Variants in SLF1 observed in about 807,000 individuals in gnomAD.
SLF1 encodes the protein SMC5-SMC6 complex localization factor protein 1.
A neutral mutation model predicts 123.0 loss-of-function variants in SLF1; 105 were observed. That is an observed-to-expected ratio of 0.85 (90% CI 0.73 to 1.00). The LOEUF (loss-of-function observed/expected upper bound fraction) is 1.00. Ranked by LOEUF, SLF1 falls within the 50% of genes least tolerant of loss-of-function variation. SLF1 has a pLI of 0.00. For missense variants in SLF1, 1,239 were observed against 1,223.0 expected (o/e 1.01, Z -0.20); for synonymous variants, 434 against 406.6 (o/e 1.07, Z -0.81).
chr5:94,636,720 T>C (rs1471083260), intron 4 of SLF1, among the ~76,000 whole-genome samples: 8 of 137,790 alleles, frequency 5.8e-5, no homozygotes, highest in Admixed American at 1.4e-4. Flanking sequence ...ATTTTTTTTT[T>C]TTTTTTTTTT....
intron 7 of SLF1, 55 bp downstream of exon 7, chr5:94,651,900 A>G: frequency 2.2e-6 from 2 of 918,634 alleles, no homozygotes; most frequent in Non-Finnish European, 2.9e-6. Flanking sequence ...GTGTTTATAG[A>G]ACAGTTTTCT....
intron 14 of SLF1, among the ~76,000 whole-genome samples, chr5:94,672,474 A>T (rs1585199992): frequency 1.4e-5 from 2 of 139,182 alleles, no homozygotes; most frequent in African/African-American, 5.3e-5. Context: ...TCCCTCTACC[A>T]TTTCCCCTGT....
At position 94,694,932 on chromosome 5, in the gene SLF1, G is replaced by A. The variant is rs781575791; in HGVS notation, c.2797G>A (p.Glu933Lys). The A allele has an allele frequency of 8.0e-5, 129 of 1,611,920 alleles. 1 individual carries two copies. In the South Asian group the frequency reaches 1.2e-3, roughly 15 times the overall value. ...AGAACTGTTTGCTATTACAAAAATA[G>A]AAGATACAGTGGAGAACTTTCATGC... Reference protein sequence around the residue: ...KEELFAITKIEDTVENFHAQA... With the variant: ...KEELFAITKIKDTVENFHAQA... Residue 933 changes from glutamate to lysine, a missense_variant, in exon 21 of 21, where the codon GAA becomes AAA. By Grantham distance (56) the Glu-to-Lys change is moderately conservative (BLOSUM62 1). Coordinates refer to ENST00000265140, the MANE Select transcript of SLF1 (RefSeq NM_032290.4).
rs539207352 is a variant in SLF1 at position 94,648,270 on chromosome 5, T to C, written c.595-1184T>C. Among the ~76,000 whole-genome samples, 15 of 152,304 alleles carry C rather than the reference T, an allele frequency of 9.8e-5. 1 individual carries two copies. The South Asian group carries it at 3.1e-3, about 32-fold the overall frequency. ...CCTTTCTGAGTTGCTGAAAAAGAAA[T>C]TCAATCAGCTATTCTCAGGGATTAT... On this transcript the variant is annotated intron_variant, in intron 5 of 20. Coordinates refer to ENST00000265140, the MANE Select transcript of SLF1 (RefSeq NM_032290.4).
At chr5:94,633,248 A>G (rs1345171077) in intron 4 of SLF1, among the ~76,000 whole-genome samples, 3 of 152,194 alleles carry the variant, frequency 2.0e-5, no homozygotes, top group Non-Finnish European at 2.9e-5. Flanking sequence ...CGGCCTCCCA[A>G]AGTGCTGGGA....
At chr5:94,637,885 G>T (rs537306335) in intron 4 of SLF1, among the ~76,000 whole-genome samples, 2 of 152,230 alleles carry the variant, frequency 1.3e-5, no homozygotes, top group Admixed American at 6.5e-5. Context: ...ACAAAGTACT[G>T]TTGAAATTCC....
At chr5:94,653,232 C>A in intron 7 of SLF1, 40 bp from the exon 8 acceptor site, 2 of 1,445,762 alleles carry the variant, frequency 1.4e-6, no homozygotes, top group South Asian at 2.7e-5. Context: ...TAACATATGT[C>A]ATTGATGTTG....
At chr5:94,632,910 T>C (rs74823880) in intron 4 of SLF1, among the ~76,000 whole-genome samples, 22,530 of 151,976 alleles carry the variant, frequency 0.15, 1,873 homozygotes, top group East Asian at 0.32. Context: ...AGGATGGTCT[T>C]GATCTCCTGA....
chr5:94,682,332 TC>T (rs1207516432), intron 15 of SLF1, among the ~76,000 whole-genome samples: 1 of 152,164 alleles, frequency 6.6e-6, no homozygotes, highest in Non-Finnish European at 1.5e-5. Context: ...CCTCTTTTTT[TC>T]CCTCATTTCT....
chr5:94,654,494 A>C, intron 8 of SLF1, 136 bp from the exon 9 acceptor site: 1 of 475,008 alleles, frequency 2.1e-6, no homozygotes, highest in Non-Finnish European at 3.3e-6. Flanking sequence ...TGTAATCTTG[A>C]TATATGATTG....
rs1364199404 is a variant in SLF1 at position 94,649,421 on chromosome 5, A to G, written c.595-33A>G. On this transcript the variant is annotated intron_variant, in intron 5 of 20. Coordinates refer to ENST00000265140, the MANE Select transcript of SLF1 (RefSeq NM_032290.4). ...TACATAATATTGAAAATACACTTAGATGATTGCCTAAACCATTTTTACATA... is the reference window on the plus strand; with the variant it reads ...TACATAATATTGAAAATACACTTAGGTGATTGCCTAAACCATTTTTACATA... The G allele has an allele frequency of 8.5e-6, 12 of 1,404,846 alleles. No individual in the cohort carries two copies. In the South Asian group the frequency reaches 1.3e-4, roughly 15 times the overall value. 87.0% of individuals were successfully genotyped at this position (1,404,846 alleles called of 1,614,324 possible).
At chr5:94,620,361 C>T (rs74316230) in intron 1 of SLF1, among the ~76,000 whole-genome samples, 6,445 of 152,092 alleles carry the variant, frequency 0.042, 259 homozygotes, top group East Asian at 0.21. Flanking sequence ...TTCTTGCTTC[C>T]CTAAAGCATA....
At position 94,686,690 on chromosome 5, in the gene SLF1, C is replaced by G. The variant is rs1279061700; in HGVS notation, c.2093C>G (p.Ser698Cys). 1 of 1,614,074 alleles carries G rather than the reference C, an allele frequency of 6.2e-7. No individual in the cohort carries two copies. Among genetic ancestry groups the G allele is most frequent in the Non-Finnish European group, 8.5e-7 (1 of 1,179,966 alleles). The change falls in exon 16 of 21, where the codon TCT becomes TGT. Residue 698 changes from serine to cysteine, a missense_variant. By Grantham distance (112) the Ser-to-Cys change is moderately radical (BLOSUM62 -1). Coordinates refer to ENST00000265140, the MANE Select transcript of SLF1 (RefSeq NM_032290.4). The part of the protein sequence containing the change: ...KLCLQSSGSV[S>C]SEPLSLQKMV... ...TGTCTACAGAGCTCTGGCAGTGTTT[C>G]TTCTGAGCCACTCTCTCTTCAGAAA...
intron 14 of SLF1, among the ~76,000 whole-genome samples, chr5:94,677,900 A>C (rs895858585): frequency 2.0e-5 from 3 of 151,200 alleles, no homozygotes; most frequent in African/African-American, 7.3e-5. Context: ...GTTTATTATA[A>C]AAGTAATCAT....
intron 16 of SLF1, among the ~76,000 whole-genome samples, chr5:94,687,571 T>G (rs1752582091): frequency 6.6e-6 from 1 of 152,088 alleles, no homozygotes. Context: ...GGCACATGCC[T>G]GTGGTCCCAG....
intron 5 of SLF1, 76 bp from the exon 6 acceptor site, chr5:94,649,378 G>T: frequency 8.2e-7 from 1 of 1,221,460 alleles, no homozygotes; most frequent in South Asian, 2.4e-5. Context: ...TATAGTTAAA[G>T]TTGAGTACCA....
At chr5:94,625,037 T>TA (rs1314127436) in intron 1 of SLF1, among the ~76,000 whole-genome samples, 1 of 149,300 alleles carries the variant, frequency 6.7e-6, no homozygotes, top group African/African-American at 2.5e-5. Context: ...AGACAAAAAA[T>TA]AAAAAAATTA....
At chr5:94,646,054 C>G (rs963759471) in intron 5 of SLF1, among the ~76,000 whole-genome samples, 10 of 152,054 alleles carry the variant, frequency 6.6e-5, no homozygotes, top group African/African-American at 2.4e-4. Context: ...AGTTTGAGAC[C>G]AGCCTAAGCA....
chr5:94,674,065 T>C (rs1750774629), intron 14 of SLF1, among the ~76,000 whole-genome samples: 1 of 152,210 alleles, frequency 6.6e-6, no homozygotes, highest in Non-Finnish European at 1.5e-5. Context: ...ACTTTAAAGC[T>C]GATAGCATCT....
Sources: allele counts gnomAD v4.1 joint callset (sites outside exome capture counted in the v4.1 genomes callset), GRCh38; gene constraint gnomAD v4.1.1; transcripts MANE v1.5; gene names NCBI Gene and HGNC (gene_info 2026-07-23, HGNC 2026-07-21).